Variants in PVT1 observed in about 807,000 individuals in gnomAD.
PVT1 encodes CXCR4/PVT1 fusion.
intron 4 of PVT1, chr8:128,048,589 G>T (rs1813648353): frequency 6.6e-6 from 1 of 152,270 alleles, no homozygotes; most frequent in Non-Finnish European, 1.5e-5. Flanking sequence ...CAGAAGCTGG[G>T]ATCAGCTTCC....
intron 3 of PVT1, among the ~76,000 whole-genome samples, chr8:127,904,910 T>C (rs1815801674): frequency 1.3e-5 from 2 of 152,206 alleles, no homozygotes; most frequent in Admixed American, 6.5e-5. Context: ...CCAGGAGCCC[T>C]GTGTGCCTGC....
In PVT1 at chr8:128,008,906, A is replaced by T. The variant is rs889615878; in HGVS notation, n.912+19615A>T. The T allele has an allele frequency of 7.6e-6, 4 of 523,632 alleles. No homozygotes were observed. The African/African-American group carries it at 7.7e-5, about 10-fold the overall frequency. 32.4% of individuals were successfully genotyped at this position (523,632 alleles called of 1,614,324 possible). A position where few individuals can be genotyped will look rare whatever the true frequency, so the allele number is the denominator to read the frequency against. On this transcript the variant is annotated intron_variant and non_coding_transcript_variant, in intron 4 of 10. Transcript: ENST00000651587. ...ACATGCTTTTTTCATATCAGTGTTC[A>T]TGTAGATGTTTAAGCTCTTGCAGTA...
chr8:127,804,217 AAAAT>A (rs927473122), intron 2 of PVT1, among the ~76,000 whole-genome samples: 1 of 152,302 alleles, frequency 6.6e-6, no homozygotes, highest in Non-Finnish European at 1.5e-5. Flanking sequence ...CCCTGTCTCT[AAAAT>A]AAATAAATAA....
chr8:127,995,510 A>G (rs1161722951), intron 4 of PVT1, among the ~76,000 whole-genome samples: 2 of 152,232 alleles, frequency 1.3e-5, no homozygotes, highest in Non-Finnish European at 2.9e-5. Context: ...TTAATTGTGC[A>G]TTATATCAGT....
chr8:127,805,399 T>C (rs891764968), intron 2 of PVT1, among the ~76,000 whole-genome samples: 6 of 152,188 alleles, frequency 3.9e-5, no homozygotes, highest in Non-Finnish European at 8.8e-5. Flanking sequence ...CCTAGGATTA[T>C]TGTGCATAAT....
chr8:127,909,749 G>A (rs1057263178), intron 3 of PVT1, among the ~76,000 whole-genome samples: 3 of 152,132 alleles, frequency 2.0e-5, no homozygotes, highest in Non-Finnish European at 2.9e-5. Flanking sequence ...GGGCCTCCGT[G>A]TTGGAAAGGG....
At chr8:127,835,351 A>C (rs1429672487) in intron 2 of PVT1, among the ~76,000 whole-genome samples, 2 of 152,034 alleles carry the variant, frequency 1.3e-5, no homozygotes, top group Non-Finnish European at 2.9e-5. Flanking sequence ...CAGGAACGAA[A>C]AACCAAACAC....
chr8:128,096,987 C>T (rs938624793), intron 6 of PVT1, among the ~76,000 whole-genome samples: 3 of 152,190 alleles, frequency 2.0e-5, no homozygotes, highest in Non-Finnish European at 2.9e-5. Flanking sequence ...AAACTGCTTC[C>T]AACTGAAACC....
intron 4 of PVT1, chr8:128,049,314 G>A: frequency 2.4e-6 from 1 of 408,480 alleles, no homozygotes; most frequent in Non-Finnish European, 5.0e-6. Flanking sequence ...GGGCAAGGGA[G>A]AGTGAATGAG....
At chr8:128,004,238 C>T (rs1465517739) in intron 4 of PVT1, among the ~76,000 whole-genome samples, 1 of 152,198 alleles carries the variant, frequency 6.6e-6, no homozygotes, top group Non-Finnish European at 1.5e-5. Context: ...AATAAGATCC[C>T]CTTGACTCTT....
At chr8:127,795,358 T>A (rs80177647) in intron 1 of PVT1, among the ~76,000 whole-genome samples, 3,579 of 152,306 alleles carry the variant, frequency 0.023, 88 homozygotes, top group East Asian at 0.12. Flanking sequence ...GGTGTAGACT[T>A]TCAGGAAGCA....
chr8:128,048,797 G>A (rs1480144051), intron 4 of PVT1, among the ~76,000 whole-genome samples: 1 of 152,238 alleles, frequency 6.6e-6, no homozygotes, highest in African/African-American at 2.4e-5. Context: ...GAAGAAAGAG[G>A]AAGGCGAAAG....
intron 3 of PVT1, among the ~76,000 whole-genome samples, chr8:127,917,917 G>A (rs576670855): frequency 1.2e-4 from 19 of 152,350 alleles, no homozygotes; most frequent in Admixed American, 5.9e-4. Context: ...TGATGCTGGC[G>A]TTCGCCCCTC....
At chr8:127,795,014 AC>A (rs1277494338) in intron 1 of PVT1, among the ~76,000 whole-genome samples, 4 of 151,912 alleles carry the variant, frequency 2.6e-5, no homozygotes, top group Admixed American at 6.6e-5. Flanking sequence ...CTAAAAATAG[AC>A]CCCTCTGCAG....
At chr8:127,850,923 C>T (rs1275719007) in intron 2 of PVT1, among the ~76,000 whole-genome samples, 1 of 151,616 alleles carries the variant, frequency 6.6e-6, no homozygotes, top group Non-Finnish European at 1.5e-5. Flanking sequence ...AGGAGAATCA[C>T]TTGAACCCAG....
At chr8:127,873,476 T>C (rs1270754129) in intron 2 of PVT1, among the ~76,000 whole-genome samples, 1 of 152,184 alleles carries the variant, frequency 6.6e-6, no homozygotes, top group Non-Finnish European at 1.5e-5. Context: ...TTTCACGTAT[T>C]GAGCTAGTAG....
chr8:128,073,061 T>C (rs546338437), intron 5 of PVT1, among the ~76,000 whole-genome samples: 123 of 152,214 alleles, frequency 8.1e-4, no homozygotes, highest in African/African-American at 2.8e-3. Flanking sequence ...CTCGAACTCC[T>C]GACCTCGAGT....
chr8:127,972,110 A>C (rs1412515068), intron 3 of PVT1, among the ~76,000 whole-genome samples: 4 of 152,214 alleles, frequency 2.6e-5, no homozygotes, highest in African/African-American at 9.6e-5. Context: ...CTCAGGAACT[A>C]CTGCTGCACT....
At chr8:128,030,166 G>T (rs1035281476) in intron 4 of PVT1, among the ~76,000 whole-genome samples, 1 of 152,168 alleles carries the variant, frequency 6.6e-6, no homozygotes. Flanking sequence ...ATATACTCAT[G>T]TGTGCACATG....
Sources: gnomAD v4.1 joint callset for allele counts (sites outside exome capture counted in the v4.1 genomes callset) on GRCh38, gnomAD v4.1.1 for gene constraint, MANE v1.5 for transcripts, NCBI Gene and HGNC (gene_info 2026-07-23, HGNC 2026-07-21) for gene names.